The following OIT3 variants were observed in gnomAD, a reference collection of about 807,000 sequenced individuals.
The protein encoded by OIT3 is oncoprotein induced transcript 3.
OIT3 carries 41 observed loss-of-function variants against 52.2 expected under a neutral mutation model. That is an observed-to-expected ratio of 0.79 (90% CI 0.61 to 1.02). The LOEUF is 1.02. Ranked by LOEUF, OIT3 falls within the 50% of genes least tolerant of loss-of-function variation. OIT3 has a pLI of 0.00. For missense variants in OIT3, 634 were observed against 715.5 expected (o/e 0.89, Z 1.30); for synonymous variants, 244 against 276.9 (o/e 0.88, Z 1.18).
At chr10:72,899,102 C>T in intron 2 of OIT3, 64 bp downstream of exon 2, 1 of 1,463,880 alleles carries the variant, frequency 6.8e-7, no homozygotes, top group Non-Finnish European at 9.3e-7. Flanking sequence ...CCAAAAGTGC[C>T]AATTATAGGA....
At chr10:72,916,419 T>C (rs750865002) in intron 6 of OIT3, among the ~76,000 whole-genome samples, 1 of 152,164 alleles carries the variant, frequency 6.6e-6, no homozygotes, top group Non-Finnish European at 1.5e-5. Context: ...AGTGAGAACA[T>C]GTGGTATTTG....
chr10:72,925,155 C>T (rs1846159644), intron 7 of OIT3, among the ~76,000 whole-genome samples: 1 of 149,142 alleles, frequency 6.7e-6, no homozygotes, highest in Non-Finnish European at 1.5e-5. Flanking sequence ...TGGTCTAACC[C>T]AGGTGACTGA....
intron 4 of OIT3, among the ~76,000 whole-genome samples, chr10:72,910,140 C>A (rs1307295014): frequency 6.6e-6 from 1 of 151,940 alleles, no homozygotes; most frequent in Non-Finnish European, 1.5e-5. Flanking sequence ...CTGGAAATAT[C>A]CTGAATGAAC....
At chr10:72,912,431 T>C (rs576719917) in intron 5 of OIT3, among the ~76,000 whole-genome samples, 313 of 152,012 alleles carry the variant, frequency 2.1e-3, no homozygotes, top group African/African-American at 7.3e-3. Flanking sequence ...CCACCATGCC[T>C]GGCTAATTTT....
intron 8 of OIT3, 107 bp downstream of exon 8, chr10:72,930,744 A>C: frequency 2.8e-6 from 2 of 702,420 alleles, no homozygotes; most frequent in Non-Finnish European, 4.9e-6. Flanking sequence ...TGGGATCTGC[A>C]TGGGCTCAAG....
chr10:72,924,336 G>T lies in OIT3; in HGVS notation c.1059G>T (p.Pro353=). ...FIIRTSKLLI[P]VTCEFPRLYT... ...TCCGAACCAGCAAGCTGCTGATCCC[G>T]GTGACCTGCGAGTTTCCACGCCTGT... Residue 353 remains proline (P), a synonymous_variant, in exon 7 of 9, where the codon CCG becomes CCT. Coordinates refer to ENST00000334011, the MANE Select transcript of OIT3 (RefSeq NM_152635.3). 2 of 1,614,058 alleles carry T rather than the reference G, an allele frequency of 1.2e-6. No homozygotes were observed. Among genetic ancestry groups the T allele is most frequent in the Non-Finnish European group, 1.7e-6 (2 of 1,179,992 alleles).
At chr10:72,926,927 G>A (rs1025295823) in intron 7 of OIT3, among the ~76,000 whole-genome samples, 25 of 152,130 alleles carry the variant, frequency 1.6e-4, no homozygotes, top group Middle Eastern at 3.4e-3. Flanking sequence ...AAGTTCTGAT[G>A]TGTATACCCA....
chr10:72,915,111 C>T (rs1006702164), intron 6 of OIT3, among the ~76,000 whole-genome samples: 17 of 152,172 alleles, frequency 1.1e-4, no homozygotes, highest in African/African-American at 2.9e-4. Context: ...GGTGATCCAC[C>T]GGCCTCAGAC....
intron 3 of OIT3, among the ~76,000 whole-genome samples, chr10:72,902,749 C>T (rs923682435): frequency 2.6e-5 from 4 of 152,182 alleles, no homozygotes; most frequent in African/African-American, 7.2e-5. Context: ...CATTGGATTT[C>T]GTGAGACTTA....
At chr10:72,929,392 A>G (rs1457851292) in intron 7 of OIT3, among the ~76,000 whole-genome samples, 1 of 152,002 alleles carries the variant, frequency 6.6e-6, no homozygotes, top group African/African-American at 2.4e-5. Context: ...AGAATCTAGA[A>G]TGGGAAAAAT....
intron 4 of OIT3, among the ~76,000 whole-genome samples, chr10:72,907,594 A>T (rs1383710233): frequency 1.3e-5 from 2 of 152,166 alleles, no homozygotes; most frequent in Admixed American, 6.5e-5. Flanking sequence ...AGGAGCTAAG[A>T]TGGGGACTTC....
chr10:72,906,485 G>A (rs567822235), intron 3 of OIT3, 111 bp from the exon 4 acceptor site: 2 of 1,149,118 alleles, frequency 1.7e-6, no homozygotes, highest in Admixed American at 3.7e-5. Flanking sequence ...GGAGCTGGAT[G>A]GTGGAAGGTG....
chr10:72,903,613 G>A (rs1845952017), intron 3 of OIT3, among the ~76,000 whole-genome samples: 2 of 151,948 alleles, frequency 1.3e-5, no homozygotes, highest in Non-Finnish European at 2.9e-5. Context: ...AGCCTCCAGG[G>A]GTAATCATTG....
chr10:72,916,549 C>T (rs1846074691), intron 6 of OIT3, among the ~76,000 whole-genome samples: 1 of 152,086 alleles, frequency 6.6e-6, no homozygotes, highest in Admixed American at 6.6e-5. Context: ...GTATATGTAC[C>T]ACATTTTCTT....
intron 6 of OIT3, 129 bp downstream of exon 6, chr10:72,913,597 A>C: frequency 2.5e-6 from 2 of 790,220 alleles, no homozygotes; most frequent in Non-Finnish European, 4.4e-6. Context: ...TGAGCTCAAA[A>C]CATCTTACGT....
intron 7 of OIT3, among the ~76,000 whole-genome samples, chr10:72,924,909 G>A (rs892552952): frequency 1.3e-5 from 2 of 151,946 alleles, no homozygotes; most frequent in African/African-American, 4.8e-5. Context: ...TCAGGAGTTC[G>A]AGACCAGCCT....
intron 4 of OIT3, among the ~76,000 whole-genome samples, chr10:72,908,802 AGT>A (rs1291766429): frequency 1.2e-4 from 19 of 152,132 alleles, no homozygotes; most frequent in Non-Finnish European, 2.4e-4. Context: ...ATGAAAATTA[AGT>A]GTGAGTTATA....
rs1846028431 is a variant in OIT3 at position 72,911,607 on chromosome 10, G to A, written c.668-110G>A. On this transcript the variant is annotated intron_variant, in intron 4 of 8. Transcript: ENST00000334011. ...GCCCGAATGTCCAGTCACTAGGTTA[G>A]GCACCAGGGATGCTGCCATAAGTTA... 15 of 1,133,016 alleles carry A rather than the reference G, an allele frequency of 1.3e-5. No individual in the cohort carries two copies. In the East Asian group the frequency reaches 3.5e-4, roughly 27 times the overall value. 70.2% of individuals were successfully genotyped at this position (1,133,016 alleles called of 1,614,324 possible).
At chr10:72,918,502 GA>G in intron 6 of OIT3, 1 of 1,397,112 alleles carries the variant, frequency 7.2e-7, no homozygotes, top group Non-Finnish European at 1.0e-6. Context: ...GGGGCCTCAG[GA>G]GGCTCATGTC....
Sources: gnomAD v4.1 joint callset for allele counts (sites outside exome capture counted in the v4.1 genomes callset) on GRCh38, gnomAD v4.1.1 for gene constraint, MANE v1.5 for transcripts, NCBI Gene and HGNC (gene_info 2026-07-23, HGNC 2026-07-21) for gene names.